The following ACCSL variants were observed in gnomAD, a reference collection of about 807,000 sequenced individuals.
ACCSL encodes probable inactive 1-aminocyclopropane-1-carboxylate synthase-like protein 2.
ACCSL carries 55 observed loss-of-function variants against 61.7 expected under a neutral mutation model. The observed-to-expected ratio is 0.89, with a 90% CI of 0.72 to 1.12. The LOEUF is 1.12. Among genes scored for constraint, ACCSL ranks in the 50% most tolerant of loss-of-function variants. ACCSL has a pLI of 0.00. For missense variants in ACCSL, 632 were observed against 698.0 expected (o/e 0.91, Z 1.07); for synonymous variants, 258 against 264.3 (o/e 0.98, Z 0.23).
the ACCSL span, among the ~76,000 whole-genome samples, chr11:43,964,460 A>C: frequency 6.6e-5 from 10 of 151,952 alleles, no homozygotes; most frequent in Admixed American, 2.6e-4. Flanking sequence ...AAAAGAAAGA[A>C]ATGTCTAGGG....
the ACCSL span, among the ~76,000 whole-genome samples, chr11:44,018,165 TG>T: frequency 6.6e-6 from 1 of 151,992 alleles, no homozygotes; most frequent in Non-Finnish European, 1.5e-5. Context: ...AACTTCACAG[TG>T]GATAGACCCC....
At chr11:44,003,481 C>T in the ACCSL span, among the ~76,000 whole-genome samples, 1 of 151,958 alleles carries the variant, frequency 6.6e-6, no homozygotes, top group Non-Finnish European at 1.5e-5. Context: ...GGTGAAGCTC[C>T]AGCTCTACAA....
At chr11:44,050,268 C>T in intron 2 of ACCSL, 147 bp downstream of exon 2, 1 of 745,538 alleles carries the variant, frequency 1.3e-6, no homozygotes, top group Non-Finnish European at 2.3e-6. Context: ...CACATTTAAC[C>T]TCCTGGCTTT....
chr11:44,036,027 G>A, the ACCSL span, among the ~76,000 whole-genome samples: 1 of 152,042 alleles, frequency 6.6e-6, no homozygotes, highest in Admixed American at 6.5e-5. Flanking sequence ...TTCTGGAGAA[G>A]GGGAGAACTT....
the ACCSL span, among the ~76,000 whole-genome samples, chr11:44,003,600 G>A: frequency 9.3e-5 from 14 of 149,862 alleles, no homozygotes; most frequent in African/African-American, 2.0e-4. Context: ...CTGAGATCGC[G>A]CCACTACACT....
intron 7 of ACCSL, 48 bp downstream of exon 7, chr11:44,053,116 G>T: frequency 6.5e-7 from 1 of 1,531,102 alleles, no homozygotes. Context: ...GGTCCTAAAA[G>T]GGGTTTGAGT....
At chr11:43,995,705 G>C in the ACCSL span, among the ~76,000 whole-genome samples, 3 of 152,118 alleles carry the variant, frequency 2.0e-5, no homozygotes, top group African/African-American at 2.4e-5. Context: ...AAGGACCCCA[G>C]TGCATTTCAG....
chr11:43,952,704 T>G, the ACCSL span, among the ~76,000 whole-genome samples: 1 of 152,162 alleles, frequency 6.6e-6, no homozygotes, highest in Admixed American at 6.5e-5. Context: ...TCAGCTCACT[T>G]TTTGGAGGCA....
At chr11:44,045,372 A>G (rs540068340), upstream of ACCSL, among the ~76,000 whole-genome samples, 3 of 152,232 alleles carry the variant, frequency 2.0e-5, no homozygotes, top group Admixed American at 6.5e-5. Context: ...CCCAGGAGGC[A>G]GAGGTTGCAG....
the ACCSL span, chr11:43,942,696 C>T: frequency 0.093 from 15,526 of 167,692 alleles, 896 homozygotes; most frequent in African/African-American, 0.14. Context: ...GCCCCCCGAG[C>T]CCCGTGCCCC....
Position 44,048,028 on chromosome 11 carries a change from A to G in ACCSL, c.-9A>G. ...GCAGCCTTCAGAGGCCAGTAAAGATACCCGGAGTATGAGTCATCGGTCAGA... is the reference window on the plus strand; with the variant it reads ...GCAGCCTTCAGAGGCCAGTAAAGATGCCCGGAGTATGAGTCATCGGTCAGA... On this transcript the variant is annotated 5_prime_UTR_variant, in exon 1 of 14. The change creates a new upstream start codon in the 5' untranslated region. Coordinates refer to ENST00000378832, the MANE Select transcript of ACCSL (RefSeq NM_001031854.2). The G allele has an allele frequency of 6.2e-7, 1 of 1,601,334 alleles. No individual in the cohort carries two copies. Among genetic ancestry groups the G allele is most frequent in the Non-Finnish European group, 8.5e-7 (1 of 1,169,748 alleles).
At chr11:44,029,509 A>G in the ACCSL span, among the ~76,000 whole-genome samples, 4 of 152,238 alleles carry the variant, frequency 2.6e-5, no homozygotes, top group African/African-American at 9.6e-5. Flanking sequence ...TTATTGCTGA[A>G]TGAATGAAGT....
chr11:44,002,516 GTCATCCCTGGCAACCAAC>G, the ACCSL span, among the ~76,000 whole-genome samples: 2 of 152,178 alleles, frequency 1.3e-5, no homozygotes, highest in Non-Finnish European at 2.9e-5. Context: ...GATGGCCAAA[GTCATCCCTGGCAACCAAC>G]TCAGGGTTTC....
the ACCSL span, among the ~76,000 whole-genome samples, chr11:43,922,508 T>G: frequency 7.1e-3 from 1,077 of 152,272 alleles, 27 homozygotes; most frequent in East Asian, 0.057. Context: ...ATCTCATCTT[T>G]CCTTAATCAG....
At chr11:43,969,264 G>A in the ACCSL span, among the ~76,000 whole-genome samples, 3 of 152,116 alleles carry the variant, frequency 2.0e-5, no homozygotes, top group East Asian at 1.9e-4. Flanking sequence ...GGGAAGCTGA[G>A]GCAAGAGGAT....
the ACCSL span, among the ~76,000 whole-genome samples, chr11:43,926,249 TCGG>T: frequency 4.5e-3 from 682 of 152,276 alleles, 8 homozygotes; most frequent in African/African-American, 0.015. Flanking sequence ...CTGCTCACTC[TCGG>T]CGGCCCCACC....
the ACCSL span, among the ~76,000 whole-genome samples, chr11:43,957,319 A>AG: frequency 0.033 from 4,830 of 146,298 alleles, 88 homozygotes; most frequent in South Asian, 0.055. Flanking sequence ...GGGTGGGAGG[A>AG]GGGGGGTTCC....
rs767202668 is a variant in ACCSL, at chr11:44,048,025, G to A, written c.-12G>A. The A allele has an allele frequency of 2.3e-5, 36 of 1,599,766 alleles. No individual in the cohort carries two copies. The highest frequency in any genetic ancestry group is 2.8e-5 in the Non-Finnish European group (33 of 1,168,732). On this transcript the variant is annotated 5_prime_UTR_variant, in exon 1 of 14. Coordinates refer to ENST00000378832, the MANE Select transcript of ACCSL (RefSeq NM_001031854.2). Reference sequence around the variant, plus strand: ...CAGGCAGCCTTCAGAGGCCAGTAAAGATACCCGGAGTATGAGTCATCGGTC... The same window carrying A: ...CAGGCAGCCTTCAGAGGCCAGTAAAAATACCCGGAGTATGAGTCATCGGTC...
the ACCSL span, among the ~76,000 whole-genome samples, chr11:44,035,624 G>A: frequency 6.6e-6 from 1 of 152,076 alleles, no homozygotes; most frequent in African/African-American, 2.4e-5. Flanking sequence ...GAATATCTGG[G>A]AGGCATTAGA....
Sources: gnomAD v4.1 joint callset for allele counts (sites outside exome capture counted in the v4.1 genomes callset) on GRCh38, gnomAD v4.1.1 for gene constraint, MANE v1.5 for transcripts, NCBI Gene and HGNC (gene_info 2026-07-23, HGNC 2026-07-21) for gene names.